The following ADGRB3 variants were observed in gnomAD, a reference collection of about 807,000 sequenced individuals.
ADGRB3 encodes adhesion G protein-coupled receptor B3, also known as brain-specific angiogenesis inhibitor 3.
ADGRB3 carries 37 observed loss-of-function variants against 193.4 expected under a neutral mutation model. That is an observed-to-expected ratio of 0.19 (90% CI 0.15 to 0.25). ADGRB3 has a LOEUF of 0.25. Ranked by LOEUF, ADGRB3 falls within the 10% of genes least tolerant of loss-of-function variation. The probability of loss-of-function intolerance (pLI) is 1.00; values close to 1 mark genes in which losing one functional copy is unlikely to be tolerated. For synonymous variants in ADGRB3, 690 were observed against 644.2 expected, an observed-to-expected ratio of 1.07 and a Z score of -1.08; for missense variants, 1,637 against 1,852.9, an observed-to-expected ratio of 0.88 and a Z score of 2.14.
chr6:68,805,953 A>G (rs1461601834), intron 3 of ADGRB3, among the ~76,000 whole-genome samples: 1 of 152,222 alleles, frequency 6.6e-6, no homozygotes, highest in Non-Finnish European at 1.5e-5. Flanking sequence ...AAATATATAT[A>G]CAGTCATTAT....
intron 3 of ADGRB3, among the ~76,000 whole-genome samples, chr6:68,660,361 G>A (rs1768598741): frequency 6.8e-6 from 1 of 147,788 alleles, no homozygotes; most frequent in African/African-American, 2.5e-5. Context: ...TTGATACTTT[G>A]GGATACTTTC....
chr6:68,955,304 C>T (rs1768041416), intron 6 of ADGRB3, among the ~76,000 whole-genome samples: 1 of 152,202 alleles, frequency 6.6e-6, no homozygotes, highest in Admixed American at 6.5e-5. Flanking sequence ...CTTTGCAACA[C>T]TGCCATGTAA....
At chr6:69,136,577 A>G (rs533124160) in intron 17 of ADGRB3, among the ~76,000 whole-genome samples, 1 of 152,012 alleles carries the variant, frequency 6.6e-6, no homozygotes, top group South Asian at 2.1e-4. Context: ...TAAACAATCG[A>G]TTTTCTTCTA....
intron 3 of ADGRB3, among the ~76,000 whole-genome samples, chr6:68,923,915 G>A (rs962406014): frequency 2.0e-5 from 3 of 152,012 alleles, no homozygotes; most frequent in African/African-American, 4.8e-5. Flanking sequence ...TAGCAACAAG[G>A]TTATTACAAT....
At chr6:69,303,600 C>A (rs1201564757) in intron 20 of ADGRB3, among the ~76,000 whole-genome samples, 1 of 151,880 alleles carries the variant, frequency 6.6e-6, no homozygotes, top group Non-Finnish European at 1.5e-5. Context: ...TTTTTCCTGA[C>A]AGTTTTGGCA....
chr6:68,788,753 GT>G (rs200814650), intron 3 of ADGRB3, among the ~76,000 whole-genome samples: 3,083 of 152,264 alleles, frequency 0.02, 67 homozygotes, highest in Middle Eastern at 0.075. Flanking sequence ...TGACAATGGG[GT>G]GTTAAAGTCT....
At chr6:69,373,801 C>A (rs1157004412) in intron 30 of ADGRB3, among the ~76,000 whole-genome samples, 2 of 151,906 alleles carry the variant, frequency 1.3e-5, no homozygotes, top group East Asian at 3.9e-4. Context: ...AGGAATTAAC[C>A]CACTAGGCAT....
chr6:68,800,290 G>T (rs901081234), intron 3 of ADGRB3, among the ~76,000 whole-genome samples: 1 of 152,168 alleles, frequency 6.6e-6, no homozygotes, highest in South Asian at 2.1e-4. Context: ...CAAAGTTCTG[G>T]AGGAATATGG....
intron 17 of ADGRB3, among the ~76,000 whole-genome samples, chr6:69,201,050 A>G (rs1407598686): frequency 6.6e-6 from 1 of 152,136 alleles, no homozygotes; most frequent in Non-Finnish European, 1.5e-5. Flanking sequence ...TCACATTCTC[A>G]TTGTATCTTT....
At chr6:69,055,841 T>G (rs1376365269) in intron 15 of ADGRB3, among the ~76,000 whole-genome samples, 1 of 152,100 alleles carries the variant, frequency 6.6e-6, no homozygotes, top group Admixed American at 6.6e-5. Flanking sequence ...TGTTTTGTTT[T>G]GTTTTGTGCA....
Position 69,002,984 on chromosome 6 carries a change from G to T in ADGRB3, c.1929+9022G>T, listed in dbSNP as rs9354813. ...TAAGAGTACTTGCTCTGACCTTCAA[G>T]ATGTGGCTTTAACACTTGTTAGCTC... is the stretch of plus-strand genomic sequence containing the variant. On this transcript the variant is annotated intron_variant, in intron 11 of 31. Transcript: ENST00000370598. Among the ~76,000 whole-genome samples, 191 of 152,294 alleles carry T rather than the reference G, an allele frequency of 1.3e-3. No individual in the cohort carries two copies. The East Asian group carries it at 0.027, about 21-fold the overall frequency.
At chr6:69,159,906 G>T (rs1245647207) in intron 17 of ADGRB3, among the ~76,000 whole-genome samples, 1 of 152,076 alleles carries the variant, frequency 6.6e-6, no homozygotes, top group Non-Finnish European at 1.5e-5. Context: ...AGTAAAAGAT[G>T]ACTCTATCCT....
intron 16 of ADGRB3, among the ~76,000 whole-genome samples, chr6:69,074,537 CTTTTT>C (rs956596624): frequency 8.6e-6 from 1 of 115,884 alleles, no homozygotes. Context: ...CAGGACTGTA[CTTTTT>C]TTTTTTTTTT....
chr6:68,893,052 A>G (rs941112173), intron 3 of ADGRB3, among the ~76,000 whole-genome samples: 4 of 152,120 alleles, frequency 2.6e-5, no homozygotes, highest in African/African-American at 9.7e-5. Flanking sequence ...AAAACATTGG[A>G]AAATTTTTGC....
chr6:68,982,846 C>T (rs1034352343), intron 10 of ADGRB3, among the ~76,000 whole-genome samples: 1 of 152,122 alleles, frequency 6.6e-6, no homozygotes, highest in Non-Finnish European at 1.5e-5. Flanking sequence ...GAGAGGTGCT[C>T]TGCCTCACCC....
At chr6:68,917,337 C>T (rs1184177567) in intron 3 of ADGRB3, among the ~76,000 whole-genome samples, 1 of 152,182 alleles carries the variant, frequency 6.6e-6, no homozygotes, top group African/African-American at 2.4e-5. Flanking sequence ...CATTCCTTTT[C>T]ATGCATCCCA....
intron 17 of ADGRB3, among the ~76,000 whole-genome samples, chr6:69,104,350 T>A (rs1019724518): frequency 4.0e-5 from 6 of 151,498 alleles, no homozygotes; most frequent in African/African-American, 1.5e-4. Flanking sequence ...TCCATGTCCC[T>A]ACAAAGGACA....
At chr6:68,653,278 C>G (rs191069609) in intron 3 of ADGRB3, among the ~76,000 whole-genome samples, 1 of 152,190 alleles carries the variant, frequency 6.6e-6, no homozygotes, top group Admixed American at 6.6e-5. Flanking sequence ...TTTTTTGAGA[C>G]GCTGAGAAGT....
At chr6:69,154,213 C>A (rs944934892) in intron 17 of ADGRB3, among the ~76,000 whole-genome samples, 1 of 152,052 alleles carries the variant, frequency 6.6e-6, no homozygotes, top group Non-Finnish European at 1.5e-5. Context: ...TAGGAGGGAT[C>A]GTAGTTCCCA....
Sources: allele counts gnomAD v4.1 joint callset (sites outside exome capture counted in the v4.1 genomes callset), GRCh38; gene constraint gnomAD v4.1.1; transcripts MANE v1.5; gene names NCBI Gene and HGNC (gene_info 2026-07-23, HGNC 2026-07-21).